The following NBEAL1 variants were observed in gnomAD, a reference collection of about 807,000 sequenced individuals.
NBEAL1 encodes neurobeachin like 1, also known as neurobeachin-like protein 1.
NBEAL1 carries 273 observed loss-of-function variants against 351.3 expected under a neutral mutation model. The ratio of observed to expected loss-of-function variants is 0.78; its 90% CI spans 0.70 to 0.86. NBEAL1 has a LOEUF of 0.86. NBEAL1 is among the 40% of genes least tolerant of loss of function. NBEAL1 has a pLI of 0.00. For synonymous variants in NBEAL1, 1,050 were observed against 1,086.4 expected (o/e 0.97, Z 0.66); for missense variants, 2,961 against 3,201.3 (o/e 0.92, Z 1.81).
intron 46 of NBEAL1, among the ~76,000 whole-genome samples, chr2:203,192,333 C>T (rs188619213): frequency 6.8e-4 from 103 of 151,462 alleles, no homozygotes; most frequent in African/African-American, 2.4e-3. Context: ...GAAAATGATA[C>T]AAAAATCAGC....
At chr2:203,093,399 T>C (rs930733444) in intron 10 of NBEAL1, among the ~76,000 whole-genome samples, 1 of 152,220 alleles carries the variant, frequency 6.6e-6, no homozygotes, top group African/African-American at 2.4e-5. Flanking sequence ...CAAAGCTGTT[T>C]GTCATAGCTA....
intron 30 of NBEAL1, 85 bp from the exon 31 acceptor site, chr2:203,138,534 GT>G: frequency 7.4e-7 from 1 of 1,345,590 alleles, no homozygotes. Context: ...AATATTTGTG[GT>G]TTGTATTAAT....
chr2:203,141,308 A>C (rs942991067), intron 31 of NBEAL1, among the ~76,000 whole-genome samples: 2 of 143,910 alleles, frequency 1.4e-5, no homozygotes, highest in African/African-American at 2.5e-5. Flanking sequence ...TAGGGGCTTT[A>C]TAAGTACAAG....
At chr2:203,163,909 C>T (rs1223228819) in intron 36 of NBEAL1, among the ~76,000 whole-genome samples, 2 of 151,920 alleles carry the variant, frequency 1.3e-5, no homozygotes, top group African/African-American at 4.8e-5. Context: ...TTTGGTGACC[C>T]TTCCTTTGTG....
rs368447110 is a variant in NBEAL1, at chr2:203,151,494, C to T, written c.5492C>T (p.Ala1831Val). The T allele has an allele frequency of 4.0e-4, 641 of 1,604,642 alleles. No individual in the cohort carries two copies. The highest frequency in any genetic ancestry group is 5.2e-4 in the Non-Finnish European group (608 of 1,175,794). Residue 1831 changes from alanine to valine, a missense_variant, in exon 35 of 56, where the codon GCT becomes GTT. Coordinates refer to ENST00000683969, the MANE Select transcript of NBEAL1 (RefSeq NM_001378026.1). ...RKQNPIHWKL[A>V]NVENYSRMRL... ...CAGAATCCAATTCACTGGAAGCTAG[C>T]TAATGTAGAGAATTATTCCCGCATG...
At chr2:203,057,552 G>T in intron 6 of NBEAL1, 99 bp downstream of exon 6, 1 of 969,634 alleles carries the variant, frequency 1.0e-6, no homozygotes, top group South Asian at 1.8e-5. Context: ...TTGGAAAGAA[G>T]TATATAAGAC....
intron 2 of NBEAL1, among the ~76,000 whole-genome samples, chr2:203,039,335 C>T (rs1316768876): frequency 1.3e-5 from 1 of 76,124 alleles, no homozygotes; most frequent in African/African-American, 4.7e-5. Context: ...CCCCCTCCCC[C>T]TCCTTCCCCC....
At chr2:203,183,416 C>A in intron 44 of NBEAL1, 28 bp downstream of exon 44, 1 of 1,232,612 alleles carries the variant, frequency 8.1e-7, no homozygotes, top group Non-Finnish European at 1.2e-6. Context: ...AGTTATTTGA[C>A]AGAATAATAA....
Position 203,113,051 on chromosome 2 carries a change from A to G in NBEAL1, c.2239A>G (p.Arg747Gly), listed in dbSNP as rs1162308376. Residue 747 changes from arginine (R) to glycine (G), a missense_variant, in exon 17 of 56, where the codon AGA becomes GGA. Transcript: ENST00000683969. ...CTGTTGCATTGGTTCAGCTGGGCAAAGAACCACCACTCCTCCACCATCCCA... is the reference window on the plus strand; with the variant it reads ...CTGTTGCATTGGTTCAGCTGGGCAAGGAACCACCACTCCTCCACCATCCCA... ...TSCCIGSAGQRTTTPPPSQIP... is the reference protein window; with the variant it reads ...TSCCIGSAGQGTTTPPPSQIP... 1 of 1,521,712 alleles carries G rather than the reference A, an allele frequency of 6.6e-7. No individual in the cohort carries two copies. Among genetic ancestry groups the G allele is most frequent in the African/African-American group, 1.4e-5 (1 of 72,146 alleles). The allele number at this position is 1,521,712 out of a possible 1,614,324, so 94.3% of individuals were successfully genotyped here.
At chr2:203,081,992 T>G (rs1207371608) in intron 8 of NBEAL1, among the ~76,000 whole-genome samples, 1 of 152,184 alleles carries the variant, frequency 6.6e-6, no homozygotes, top group Non-Finnish European at 1.5e-5. Flanking sequence ...TGGTCCCAGC[T>G]ACTCAGGAGG....
At chr2:203,138,864 G>T (rs2063291863) in intron 31 of NBEAL1, 116 bp downstream of exon 31, 2 of 1,013,100 alleles carry the variant, frequency 2.0e-6, no homozygotes, top group Non-Finnish European at 2.8e-6. Flanking sequence ...AGTTCTAAAA[G>T]TATCCATGAT....
intron 34 of NBEAL1, 120 bp from the exon 35 acceptor site, chr2:203,151,345 T>C (rs1405287452): frequency 2.9e-6 from 2 of 688,754 alleles, no homozygotes; most frequent in Non-Finnish European, 2.2e-6. Flanking sequence ...AAAATAAAAA[T>C]AAAATAAAAT....
chr2:203,081,191 T>C (rs1244851995), intron 8 of NBEAL1, among the ~76,000 whole-genome samples: 2 of 152,222 alleles, frequency 1.3e-5, no homozygotes, highest in Non-Finnish European at 2.9e-5. Context: ...AGAATGGTCA[T>C]GTCATAAAGG....
intron 37 of NBEAL1, 46 bp from the exon 38 acceptor site, chr2:203,167,181 G>A: frequency 4.5e-6 from 7 of 1,546,036 alleles, no homozygotes; most frequent in Non-Finnish European, 6.1e-6. Context: ...CTTAGCATGA[G>A]TAACTTTATA....
chr2:203,086,424 C>T (rs2061961861), intron 10 of NBEAL1, among the ~76,000 whole-genome samples: 1 of 152,016 alleles, frequency 6.6e-6, no homozygotes, highest in East Asian at 1.9e-4. Flanking sequence ...TCTATAATAC[C>T]CAAATTTCTT....
intron 51 of NBEAL1, among the ~76,000 whole-genome samples, chr2:203,206,784 A>G (rs2065587627): frequency 6.6e-6 from 1 of 151,508 alleles, no homozygotes; most frequent in South Asian, 2.1e-4. Context: ...TCCACCTCCC[A>G]GCAGCCTGCC....
chr2:203,056,768 A>C (rs1407747407), intron 5 of NBEAL1, among the ~76,000 whole-genome samples: 1 of 152,114 alleles, frequency 6.6e-6, no homozygotes, highest in Non-Finnish European at 1.5e-5. Flanking sequence ...GGGTTTCTCC[A>C]TGTTGGTCAG....
At chr2:203,055,758 G>A (rs1176959603) in intron 4 of NBEAL1, among the ~76,000 whole-genome samples, 1 of 152,066 alleles carries the variant, frequency 6.6e-6, no homozygotes, top group Non-Finnish European at 1.5e-5. Flanking sequence ...AAAGATTTTA[G>A]GTATAGTAAA....
chr2:203,166,773 TC>T (rs1369972978), intron 37 of NBEAL1, among the ~76,000 whole-genome samples: 1 of 152,010 alleles, frequency 6.6e-6, no homozygotes, highest in Non-Finnish European at 1.5e-5. Flanking sequence ...CAGGCTGGTC[TC>T]GAACTCCCAA....
Sources: gnomAD v4.1 joint callset for allele counts (sites outside exome capture counted in the v4.1 genomes callset) on GRCh38, gnomAD v4.1.1 for gene constraint, MANE v1.5 for transcripts, NCBI Gene and HGNC (gene_info 2026-07-23, HGNC 2026-07-21) for gene names.